ATE1: variants seen among roughly 807,000 people sequenced by gnomAD.
ATE1 encodes arginyltransferase 1, also known as arginyl-tRNA--protein transferase 1.
A neutral mutation model predicts 70.5 loss-of-function variants in ATE1; 36 were observed. The observed-to-expected ratio is 0.51, with a 90% CI of 0.39 to 0.67. The LOEUF is 0.67. ATE1 is among the 30% of genes least tolerant of loss of function. The probability of loss-of-function intolerance (pLI) is 0.00; values close to 1 mark genes in which losing one functional copy is unlikely to be tolerated. For missense variants in ATE1, 593 were observed against 629.5 expected (o/e 0.94, Z 0.62); for synonymous variants, 232 against 219.3 (o/e 1.06, Z -0.51).
chr10:121,898,614 A>T (rs10510101), intron 7 of ATE1, among the ~76,000 whole-genome samples: 20,049 of 152,128 alleles, frequency 0.13, 1,517 homozygotes, highest in East Asian at 0.19. Context: ...TGACCTTATA[A>T]ACCACTACTT....
chr10:121,874,997 A>T, intron 7 of ATE1, among the ~76,000 whole-genome samples: 1 of 250 alleles, frequency 4.0e-3, no homozygotes, highest in African/African-American at 0.025. Context: ...AAAAAAAAAT[A>T]CAAAAATTAG....
At chr10:121,746,352 C>T (rs1274637359) in intron 11 of ATE1, among the ~76,000 whole-genome samples, 3 of 152,198 alleles carry the variant, frequency 2.0e-5, no homozygotes, top group Non-Finnish European at 4.4e-5. Context: ...ATATTTGCTG[C>T]ATCAATTCCT....
intron 5 of ATE1, among the ~76,000 whole-genome samples, chr10:121,907,396 C>T (rs1347757011): frequency 6.6e-6 from 1 of 151,832 alleles, no homozygotes; most frequent in Non-Finnish European, 1.5e-5. Flanking sequence ...ACCCGGGAAG[C>T]AGAGGTTGCA....
intron 10 of ATE1, among the ~76,000 whole-genome samples, chr10:121,795,734 C>G (rs1452841502): frequency 6.6e-6 from 1 of 152,180 alleles, no homozygotes; most frequent in Non-Finnish European, 1.5e-5. Context: ...GTTATGCTTT[C>G]TAAACTAAGC....
intron 10 of ATE1, among the ~76,000 whole-genome samples, chr10:121,812,285 G>A (rs1176680988): frequency 6.6e-6 from 1 of 152,056 alleles, no homozygotes; most frequent in African/African-American, 2.4e-5. Flanking sequence ...TGTAGCCACG[G>A]TATGTTGACT....
At chr10:121,909,347 A>C (rs1951329066) in intron 5 of ATE1, among the ~76,000 whole-genome samples, 1 of 152,230 alleles carries the variant, frequency 6.6e-6, no homozygotes. Context: ...CTGGATCCTA[A>C]CACAAACAAA....
rs779778888 is a variant in ATE1, at chr10:121,927,884, G to A, written c.66C>T (p.Arg22=). ...CCGACTCGTTCTTGCAGTAGCCGCAGCGGTAGAAGTCCTCGCTAGGGAAAT... is the reference window on the plus strand; with the variant it reads ...CCGACTCGTTCTTGCAGTAGCCGCAACGGTAGAAGTCCTCGCTAGGGAAAT... ...VDYFPSEDFY[R]CGYCKNESGS... is the part of the protein sequence containing the mutation. The change falls in exon 1 of 12, where the codon CGC becomes CGT. Residue 22 remains arginine, a synonymous_variant. Coordinates refer to ENST00000224652, the MANE Select transcript of ATE1 (RefSeq NM_001001976.3). 5.0e-6 allele frequency: 8 copies of A among 1,591,722 alleles called. No individual in the cohort carries two copies. In the Admixed American group the frequency reaches 1.0e-4, roughly 21 times the overall value.
chr10:121,817,345 G>A (rs766680679), intron 10 of ATE1, among the ~76,000 whole-genome samples: 7 of 152,248 alleles, frequency 4.6e-5, no homozygotes, highest in Middle Eastern at 3.4e-3. Flanking sequence ...TCGAGACCAC[G>A]GTGAAACCCC....
intron 7 of ATE1, among the ~76,000 whole-genome samples, chr10:121,894,820 G>GTT (rs1950715419): frequency 6.6e-6 from 1 of 152,086 alleles, no homozygotes; most frequent in African/African-American, 2.4e-5. Context: ...AGAATGGCCC[G>GTT]AACCCGAGAG....
At position 121,927,905 on chromosome 10, in the gene ATE1, G is replaced by A. The variant is rs1276361779; in HGVS notation, c.45C>T (p.Phe15=). 3 of 1,592,972 alleles carry A rather than the reference G, an allele frequency of 1.9e-6. No homozygotes were observed. Among genetic ancestry groups the A allele is most frequent in the Admixed American group, 3.4e-5 (2 of 58,500 alleles). ...CGCAGCGGTAGAAGTCCTCGCTAGG[G>A]AAATAGTCCACGACGCTGGGCGAAC... is the stretch of plus-strand genomic sequence containing the variant. ...AGGSPSVVDY[F]PSEDFYRCGY... is the part of the protein sequence containing the mutation. Residue 15 remains phenylalanine, a synonymous_variant, in exon 1 of 12, where the codon TTC becomes TTT. Coordinates refer to ENST00000224652, the MANE Select transcript of ATE1 (RefSeq NM_001001976.3).
Position 121,926,743 on chromosome 10 carries a change from G to C in ATE1, c.106+1101C>G, listed in dbSNP as rs2420978. 1.1e-3 allele frequency: 1,120 copies of C among 985,390 alleles called. 18 individuals carry two copies. The African/African-American group carries it at 0.019, about 16-fold the overall frequency. The allele number at this position is 985,390 out of a possible 1,614,324, so 61.0% of individuals were successfully genotyped here. A position where few individuals can be genotyped will look rare whatever the true frequency, so the allele number is the denominator to read the frequency against. ...TCTAAGGCCATATTACCACTGTCAC[G>C]ATTTGGTGTACTTCCGGGCCTTCTT... On this transcript the variant is annotated intron_variant, in intron 1 of 11. Coordinates refer to ENST00000224652, the MANE Select transcript of ATE1 (RefSeq NM_001001976.3).
In ATE1 at chr10:121,865,664, T is replaced by C. The variant is rs140072255; in HGVS notation, c.975+4342A>G. Among the ~76,000 whole-genome samples the C allele has an allele frequency of 7.1e-3, 1,074 of 152,292 alleles. 24 individuals are homozygous for C. Among genetic ancestry groups the C allele is most frequent in the African/African-American group, 0.024 (1,016 of 41,556 alleles). On this transcript the variant is annotated intron_variant, in intron 8 of 11. Transcript: ENST00000224652. ...ACAGAGCCACCCGAAATTAGGGATC[T>C]AATGGAAATATGTTGCCTGACTTGA...
chr10:121,897,155 C>G (rs139625259), intron 7 of ATE1, among the ~76,000 whole-genome samples: 2 of 152,284 alleles, frequency 1.3e-5, no homozygotes, highest in African/African-American at 4.8e-5. Flanking sequence ...TACCTGTCTA[C>G]CACCCCAATT....
At chr10:121,794,658 T>TG (rs1946586966) in intron 10 of ATE1, among the ~76,000 whole-genome samples, 3 of 65,446 alleles carry the variant, frequency 4.6e-5, no homozygotes, top group Admixed American at 1.7e-4. Context: ...CAAGAATGTC[T>TG]GGTAAAAAAA....
At chr10:121,852,468 T>G (rs1355539042) in intron 8 of ATE1, among the ~76,000 whole-genome samples, 1 of 152,178 alleles carries the variant, frequency 6.6e-6, no homozygotes, top group Non-Finnish European at 1.5e-5. Context: ...ACACACACTT[T>G]GGGAGGCAGA....
chr10:121,902,725 T>A lies in ATE1; in HGVS notation c.584-105A>T, dbSNP rs568972287. 59 of 1,142,282 alleles carry A rather than the reference T, an allele frequency of 5.2e-5. No homozygotes were observed. The South Asian group carries it at 9.5e-4, about 18-fold the overall frequency. 70.8% of individuals were successfully genotyped at this position (1,142,282 alleles called of 1,614,324 possible). On this transcript the variant is annotated intron_variant, in intron 5 of 11. Transcript: ENST00000224652. Reference sequence around the variant, plus strand: ...TGTAAGTCCAAAGAGTTTCAATGGTTAGGCTAGCTTTGGGGTAGATGTTTC... The same window carrying A: ...TGTAAGTCCAAAGAGTTTCAATGGTAAGGCTAGCTTTGGGGTAGATGTTTC...
chr10:121,853,511 G>C (rs952852424), intron 8 of ATE1, among the ~76,000 whole-genome samples: 4 of 151,896 alleles, frequency 2.6e-5, no homozygotes, highest in African/African-American at 9.7e-5. Context: ...AGATTTTCAG[G>C]CTTGGGATGC....
chr10:121,892,463 C>CG (rs1950611310), intron 7 of ATE1, among the ~76,000 whole-genome samples: 1 of 147,380 alleles, frequency 6.8e-6, no homozygotes, highest in Non-Finnish European at 1.5e-5. Context: ...AAAAGAGATA[C>CG]GGGGAAGTTT....
At chr10:121,808,685 C>T (rs1364578030) in intron 10 of ATE1, among the ~76,000 whole-genome samples, 1 of 152,130 alleles carries the variant, frequency 6.6e-6, no homozygotes, top group African/African-American at 2.4e-5. Flanking sequence ...ACAGGGCTAA[C>T]AGTGGTGAAT....
Sources: allele counts gnomAD v4.1 joint callset (sites outside exome capture counted in the v4.1 genomes callset), GRCh38; gene constraint gnomAD v4.1.1; transcripts MANE v1.5; gene names NCBI Gene and HGNC (gene_info 2026-07-23, HGNC 2026-07-21).